C12orf42: variants seen among roughly 807,000 people sequenced by gnomAD.
The protein encoded by C12orf42 is uncharacterized protein C12orf42.
In C12orf42, 25 loss-of-function variants were observed where a neutral mutation model predicts 21.6. The observed-to-expected ratio is 1.16, with a 90% CI of 0.84 to 1.62. C12orf42 has a LOEUF of 1.62. Among genes scored for constraint, C12orf42 ranks in the 40% most tolerant of loss-of-function variants. C12orf42 has a pLI of 0.00. For synonymous variants in C12orf42, 174 were observed against 175.0 expected (o/e 0.99, Z 0.05); for missense variants, 483 against 459.3 (o/e 1.05, Z -0.47).
At chr12:103,447,656 G>T (rs907636269) in intron 2 of C12orf42, among the ~76,000 whole-genome samples, 1 of 151,842 alleles carries the variant, frequency 6.6e-6, no homozygotes, top group African/African-American at 2.4e-5. Flanking sequence ...CAGTGACCAA[G>T]CTGAGAATCA....
intron 10 of C12orf42, among the ~76,000 whole-genome samples, chr12:103,245,658 C>G (rs2136180717): frequency 6.6e-6 from 1 of 152,192 alleles, no homozygotes; most frequent in South Asian, 2.1e-4. Context: ...GAGCCAAATA[C>G]TGGGCCAAAA....
At chr12:103,279,592 G>T (rs1244525538) in intron 4 of C12orf42, among the ~76,000 whole-genome samples, 4 of 152,178 alleles carry the variant, frequency 2.6e-5, no homozygotes, top group African/African-American at 9.7e-5. Context: ...GTTCCTGTCA[G>T]AAATCACTGA....
At chr12:103,539,934 G>T in the C12orf42 span, among the ~76,000 whole-genome samples, 11 of 152,046 alleles carry the variant, frequency 7.2e-5, no homozygotes, top group African/African-American at 2.7e-4. Flanking sequence ...CATGCTAAAC[G>T]TAATCTTCTG....
chr12:103,171,650 G>A, the C12orf42 span, among the ~76,000 whole-genome samples: 1 of 152,052 alleles, frequency 6.6e-6, no homozygotes, highest in South Asian at 2.1e-4. Flanking sequence ...GAAATTAAAG[G>A]CATTAGAGAG....
chr12:103,161,288 A>G, the C12orf42 span, among the ~76,000 whole-genome samples: 7 of 152,294 alleles, frequency 4.6e-5, no homozygotes, highest in Middle Eastern at 3.4e-3. Context: ...GGATTGAAAA[A>G]GTGTCCTTTT....
chr12:103,562,052 T>C, the C12orf42 span, among the ~76,000 whole-genome samples: 2 of 152,246 alleles, frequency 1.3e-5, no homozygotes, highest in Non-Finnish European at 2.9e-5. Context: ...AATGATTATA[T>C]GTTCTGCTGC....
intron 1 of C12orf42, among the ~76,000 whole-genome samples, chr12:103,492,746 T>A (rs1248936376): frequency 1.3e-5 from 2 of 152,088 alleles, no homozygotes; most frequent in Non-Finnish European, 2.9e-5. Flanking sequence ...ATAGGGCAAG[T>A]CAAGTGTCTG....
At chr12:103,212,319 T>C in the C12orf42 span, among the ~76,000 whole-genome samples, 1 of 152,192 alleles carries the variant, frequency 6.6e-6, no homozygotes, top group Non-Finnish European at 1.5e-5. Context: ...CAAAAGGAGG[T>C]CCATAAAATG....
the C12orf42 span, among the ~76,000 whole-genome samples, chr12:103,223,704 G>A: frequency 6.6e-6 from 1 of 152,112 alleles, no homozygotes. Context: ...AGTTTTTTGG[G>A]GCACAGTCTA....
chr12:103,431,457 C>T (rs1950259367), intron 2 of C12orf42, among the ~76,000 whole-genome samples: 1 of 152,176 alleles, frequency 6.6e-6, no homozygotes, highest in Non-Finnish European at 1.5e-5. Flanking sequence ...GCAGTCAGAC[C>T]ATGACTCTGG....
the C12orf42 span, among the ~76,000 whole-genome samples, chr12:103,176,586 A>T: frequency 1.3e-5 from 2 of 152,266 alleles, no homozygotes; most frequent in East Asian, 3.9e-4. Flanking sequence ...TCTCATAACA[A>T]TCTTTTGTGG....
At chr12:103,457,484 G>A (rs1358349738) in intron 2 of C12orf42, among the ~76,000 whole-genome samples, 1 of 152,118 alleles carries the variant, frequency 6.6e-6, no homozygotes, top group African/African-American at 2.4e-5. Flanking sequence ...CAGGGATGCT[G>A]TACATCCCTG....
chr12:103,258,907 T>C (rs185413092), intron 10 of C12orf42, among the ~76,000 whole-genome samples: 3 of 152,318 alleles, frequency 2.0e-5, no homozygotes, highest in African/African-American at 7.2e-5. Flanking sequence ...CAAATTTATC[T>C]GTCAATTTAA....
chr12:103,153,800 A>C, the C12orf42 span, among the ~76,000 whole-genome samples: 1 of 151,922 alleles, frequency 6.6e-6, no homozygotes, highest in Non-Finnish European at 1.5e-5. Flanking sequence ...CAGTTTCTCT[A>C]CTAACTGTGT....
intron 4 of C12orf42, among the ~76,000 whole-genome samples, chr12:103,366,315 A>C (rs1256390069): frequency 2.6e-5 from 4 of 152,142 alleles, no homozygotes; most frequent in Non-Finnish European, 5.9e-5. Context: ...AATTCTACCC[A>C]AGATGGATCA....
chr12:103,284,259 AAAG>A (rs1294748968), intron 4 of C12orf42, among the ~76,000 whole-genome samples: 2 of 152,226 alleles, frequency 1.3e-5, no homozygotes, highest in Non-Finnish European at 2.9e-5. Flanking sequence ...AGCACAGAGA[AAAG>A]AATGTTTTGT....
At chr12:103,255,862 T>C (rs1345156650) in intron 10 of C12orf42, among the ~76,000 whole-genome samples, 2 of 150,354 alleles carry the variant, frequency 1.3e-5, no homozygotes, top group African/African-American at 4.9e-5. Context: ...CCATCCTGGC[T>C]AACACGGTGA....
chr12:103,205,732 A>G, the C12orf42 span, among the ~76,000 whole-genome samples: 4 of 152,164 alleles, frequency 2.6e-5, no homozygotes, highest in African/African-American at 9.7e-5. Context: ...CAATGTCTCT[A>G]TAGTACAATG....
intron 4 of C12orf42, among the ~76,000 whole-genome samples, chr12:103,312,256 A>G (rs950462541): frequency 1.3e-5 from 2 of 152,246 alleles, no homozygotes; most frequent in Middle Eastern, 6.8e-3. Context: ...TTGTTTTTCT[A>G]CTACACAATC....
Sources: gnomAD v4.1 joint callset for allele counts (sites outside exome capture counted in the v4.1 genomes callset) on GRCh38, gnomAD v4.1.1 for gene constraint, MANE v1.5 for transcripts, NCBI Gene and HGNC (gene_info 2026-07-23, HGNC 2026-07-21) for gene names.